The following ATR variants were observed in gnomAD, a reference collection of about 807,000 sequenced individuals.
The protein encoded by ATR is serine/threonine-protein kinase ATR.
In ATR, 142 loss-of-function variants were observed where a neutral mutation model predicts 305.3. The observed-to-expected ratio is 0.47, with a 90% CI of 0.41 to 0.53. The LOEUF (loss-of-function observed/expected upper bound fraction) is 0.53. Among genes scored for constraint, ATR ranks in the 20% least tolerant of loss-of-function variants. ATR has a pLI of 0.00. For missense variants in ATR, 2,135 were observed against 3,133.1 expected (o/e 0.68, Z 7.60); for synonymous variants, 1,050 against 1,068.1 (o/e 0.98, Z 0.33).
chr3:142,577,441 CTT>C, intron 1 of ATR, among the ~76,000 whole-genome samples: 1 of 152,296 alleles, frequency 6.6e-6, no homozygotes, highest in African/African-American at 2.4e-5. Flanking sequence ...TCTTCCTCTT[CTT>C]TTAGAGAGGT....
chr3:142,496,380 G>C lies in ATR; in HGVS notation c.5879C>G (p.Ala1960Gly), dbSNP rs2031646920. The change falls in exon 34 of 47, where the codon GCA (alanine) becomes GGA (glycine). Residue 1960 changes from alanine to glycine, a missense_variant. This residue lies in a region of ATR where 462 missense variants were observed against 887.6 expected (regional missense o/e 0.52). Transcript: ENST00000350721. Reference sequence around the variant, plus strand: ...CATTACCTTGGACCAGAGCCACTTTGCCCTTTCCACGTACAGTTCAGCGAG... The same window carrying C: ...CATTACCTTGGACCAGAGCCACTTTCCCCTTTCCACGTACAGTTCAGCGAG... ...SRLAELYVER[A>G]KWLWSKGDVH... 1 of 1,570,850 alleles carries C rather than the reference G, an allele frequency of 6.4e-7. No homozygotes were observed. Among genetic ancestry groups the C allele is most frequent in the Non-Finnish European group, 8.6e-7 (1 of 1,160,596 alleles).
At position 142,459,246 on chromosome 3, in the gene ATR, AT is replaced by A. The variant is rs1392087757; in HGVS notation, c.7329del (p.Phe2444SerfsTer20). On this transcript the variant is annotated frameshift_variant, in exon 43 of 47. Coordinates refer to ENST00000350721, the MANE Select transcript of ATR (RefSeq NM_001184.4). LOFTEE classifies it high-confidence loss of function. The stretch of plus-strand genomic sequence containing the variant: ...ACTTACCATGATGTAGGATCAGGGA[AT>A]GTTCTCAGAAACCACTCATGAAAAA... ...PPIFHEWFLR[T>X]FPDPTSWYSS... is the part of the protein sequence containing the mutation. 2 of 1,613,942 alleles carry A rather than the reference AT, an allele frequency of 1.2e-6. No individual in the cohort carries two copies. The highest frequency in any genetic ancestry group is 1.7e-6 in the Non-Finnish European group (2 of 1,179,908).
intron 22 of ATR, among the ~76,000 whole-genome samples, chr3:142,523,647 C>T (rs538072676): frequency 6.6e-6 from 1 of 152,056 alleles, no homozygotes; most frequent in Admixed American, 6.5e-5. Context: ...CATTTGACTA[C>T]AAAACATTAC....
intron 36 of ATR, chr3:142,472,085 T>TTTTGTG (rs3223772): frequency 6.9e-6 from 1 of 144,126 alleles, no homozygotes. Flanking sequence ...TAGTATTCCA[T>TTTTGTG]TGTGTGTGTG....
chr3:142,482,340 T>G (rs1481084939), intron 36 of ATR, among the ~76,000 whole-genome samples: 1 of 152,204 alleles, frequency 6.6e-6, no homozygotes, highest in African/African-American at 2.4e-5. Flanking sequence ...CTACTATGGA[T>G]AGAAACAGGT....
intron 41 of ATR, among the ~76,000 whole-genome samples, chr3:142,462,427 T>C (rs780012232): frequency 2.6e-5 from 4 of 152,188 alleles, no homozygotes; most frequent in Non-Finnish European, 4.4e-5. Context: ...TTATAGGTAT[T>C]ACTGAAACAT....
intron 46 of ATR, chr3:142,452,376 T>C (rs985220143): frequency 5.1e-6 from 5 of 986,874 alleles, no homozygotes; most frequent in Non-Finnish European, 6.0e-6. Context: ...TTCTAACTTA[T>C]TAAAAACAAC....
At chr3:142,546,382 T>C (rs2034269409) in intron 16 of ATR, among the ~76,000 whole-genome samples, 2 of 152,348 alleles carry the variant, frequency 1.3e-5, no homozygotes, top group South Asian at 4.1e-4. Flanking sequence ...CCTTGCCATG[T>C]CACTAAAAGT....
intron 1 of ATR, among the ~76,000 whole-genome samples, chr3:142,572,854 G>A (rs1441102262): frequency 2.0e-5 from 3 of 152,198 alleles, no homozygotes; most frequent in South Asian, 4.2e-4. Flanking sequence ...ACTCTTCAAT[G>A]AATGAATGGT....
intron 44 of ATR, 84 bp from the exon 45 acceptor site, chr3:142,457,839 T>C (rs1004609799): frequency 8.6e-6 from 13 of 1,508,452 alleles, no homozygotes; most frequent in Non-Finnish European, 1.2e-5. Context: ...CCAGATTCTT[T>C]TAGCAAAAAG....
rs1482402700 is a variant in ATR at position 142,547,765 on chromosome 3, G to T, written c.3317C>A (p.Pro1106Gln). 2 of 1,613,840 alleles carry T rather than the reference G, an allele frequency of 1.2e-6. No individual in the cohort carries two copies. Among genetic ancestry groups the T allele is most frequent in the Non-Finnish European group, 1.7e-6 (2 of 1,179,898 alleles). The change falls in exon 16 of 47, where the codon CCA (proline) becomes CAA (glutamine). Residue 1106 changes from proline (P) to glutamine (Q), a missense_variant. Coordinates refer to ENST00000350721, the MANE Select transcript of ATR (RefSeq NM_001184.4). ...TATGATATCTCTCGGGCCCTGATATGGATCATCACTGGATGCAAATGAGGC... is the reference window on the plus strand; with the variant it reads ...TATGATATCTCTCGGGCCCTGATATTGATCATCACTGGATGCAAATGAGGC... Reference protein sequence around the residue: ...ILASFASSDDPYQGPRDIISP... With the variant: ...ILASFASSDDQYQGPRDIISP...
intron 38 of ATR, 37 bp from the exon 39 acceptor site, chr3:142,468,105 T>A: frequency 6.2e-7 from 1 of 1,605,130 alleles, no homozygotes; most frequent in Non-Finnish European, 8.5e-7. Context: ...TAAAAAAGAG[T>A]TTATACAGGA....
chr3:142,543,177 A>G (rs2034119389), intron 16 of ATR, among the ~76,000 whole-genome samples: 1 of 152,226 alleles, frequency 6.6e-6, no homozygotes, highest in Non-Finnish European at 1.5e-5. Flanking sequence ...AGTACGATTA[A>G]GGAAAAGGTA....
At chr3:142,556,224 T>A (rs1380438150) in intron 9 of ATR, 85 bp from the exon 10 acceptor site, 69 of 1,537,384 alleles carry the variant, frequency 4.5e-5, no homozygotes, top group Admixed American at 5.7e-5. Context: ...ACAAAAGTAC[T>A]GGTAAAACAA....
In ATR at chr3:142,522,552, C is replaced by T. The variant is rs936003156; in HGVS notation, c.4266+176G>A. 2.2e-4 allele frequency among the ~76,000 whole-genome samples: 33 copies of T among 151,938 alleles called. 1 individual carries two copies. The highest frequency in any genetic ancestry group is 1.5e-4 in the Non-Finnish European group (10 of 68,000). ...TACAAAAATTTTGAAAGTAACTATA[C>T]CTATAATAATTGGTTAAGAGGTATG... On this transcript the variant is annotated intron_variant, in intron 23 of 46. Transcript: ENST00000350721.
At chr3:142,461,225 C>A (rs1372604562) in intron 42 of ATR, among the ~76,000 whole-genome samples, 1 of 152,066 alleles carries the variant, frequency 6.6e-6, no homozygotes, top group African/African-American at 2.4e-5. Context: ...TGTTTCTCAT[C>A]TTTTGCCTAT....
chr3:142,505,069 A>C (rs1362368126), intron 29 of ATR, 70 bp downstream of exon 29: 19 of 1,581,166 alleles, frequency 1.2e-5, no homozygotes, highest in East Asian at 9.0e-5. Context: ...CAAAACAAAA[A>C]AAACTAAGGT....
intron 5 of ATR, 108 bp from the exon 6 acceptor site, chr3:142,560,562 A>C: frequency 8.6e-7 from 1 of 1,168,726 alleles, no homozygotes; most frequent in Non-Finnish European, 1.2e-6. Context: ...CTATTCAAAA[A>C]AATTTTTTTT....
At chr3:142,553,055 C>T (rs1207980033) in intron 13 of ATR, among the ~76,000 whole-genome samples, 172 bp downstream of exon 13, 1 of 152,118 alleles carries the variant, frequency 6.6e-6, no homozygotes, top group Non-Finnish European at 1.5e-5. Context: ...CACCACGACA[C>T]GTTTACCTAT....
Sources: gnomAD v4.1 joint callset for allele counts (sites outside exome capture counted in the v4.1 genomes callset) on GRCh38, gnomAD v4.1.1 for gene constraint, gnomAD v4.1.1 regional missense constraint, MANE v1.5 for transcripts, NCBI Gene and HGNC (gene_info 2026-07-23, HGNC 2026-07-21) for gene names.